Variants in NR3C2 observed in about 807,000 individuals in gnomAD.
NR3C2 encodes mineralocorticoid receptor.
Under a neutral mutation model 86.4 loss-of-function variants are expected in NR3C2, and 15 were observed. The ratio of observed to expected loss-of-function variants is 0.17; its 90% CI spans 0.12 to 0.27. The LOEUF (loss-of-function observed/expected upper bound fraction) is 0.27. NR3C2 is among the 10% of genes least tolerant of loss of function. The pLI is 1.00. For missense variants in NR3C2, 960 were observed against 1,195.6 expected (o/e 0.80, Z 2.91); for synonymous variants, 458 against 450.5 (o/e 1.02, Z -0.21).
chr4:148,443,215 CT>C (rs1277172624), upstream of NR3C2, among the ~76,000 whole-genome samples: 7 of 111,810 alleles, frequency 6.3e-5, no homozygotes, highest in African/African-American at 2.5e-4. Flanking sequence ...CCTTAGACCC[CT>C]AACACCAAAA....
upstream of NR3C2, chr4:148,444,986 A>C (rs1750512680): frequency 6.1e-6 from 6 of 983,272 alleles, no homozygotes; most frequent in Non-Finnish European, 7.2e-6. Flanking sequence ...GGGCGGTCGC[A>C]GGGGGAGCCT....
intron 3 of NR3C2, among the ~76,000 whole-genome samples, chr4:148,247,999 A>G (rs888757023): frequency 6.6e-6 from 1 of 152,184 alleles, no homozygotes; most frequent in African/African-American, 2.4e-5. Context: ...CAACATAAGT[A>G]ATTTTGAATT....
intron 3 of NR3C2, among the ~76,000 whole-genome samples, chr4:148,206,124 A>C (rs779330795): frequency 1.3e-5 from 2 of 152,150 alleles, no homozygotes; most frequent in Non-Finnish European, 2.9e-5. Flanking sequence ...GGGACCAGTG[A>C]AGCTCAGAAT....
intron 6 of NR3C2, among the ~76,000 whole-genome samples, chr4:148,131,642 A>C (rs1055853798): frequency 1.3e-5 from 2 of 152,124 alleles, no homozygotes; most frequent in Non-Finnish European, 2.9e-5. Flanking sequence ...CCAGGGTAGA[A>C]CTCAGCCATA....
chr4:148,363,652 C>T (rs2126323008), intron 2 of NR3C2, among the ~76,000 whole-genome samples: 1 of 152,010 alleles, frequency 6.6e-6, no homozygotes, highest in African/African-American at 2.4e-5. Flanking sequence ...TACAGGTGCC[C>T]ACCACCACGC....
chr4:148,364,338 C>A (rs866040392), intron 2 of NR3C2, among the ~76,000 whole-genome samples: 1 of 152,184 alleles, frequency 6.6e-6, no homozygotes, highest in Middle Eastern at 3.4e-3. Flanking sequence ...GCACTGAAGT[C>A]GTCAGTTTGG....
At chr4:148,337,349 T>C (rs541965469) in intron 2 of NR3C2, among the ~76,000 whole-genome samples, 1 of 152,368 alleles carries the variant, frequency 6.6e-6, no homozygotes, top group South Asian at 2.1e-4. Flanking sequence ...GTGATTAGAA[T>C]ATTCTTCCCT....
intron 2 of NR3C2, among the ~76,000 whole-genome samples, chr4:148,262,143 A>G (rs1363170698): frequency 6.6e-6 from 1 of 152,228 alleles, no homozygotes; most frequent in African/African-American, 2.4e-5. Flanking sequence ...GGTTTTGTAA[A>G]TATTTAGAAT....
At chr4:148,231,162 C>CTA (rs1360279007) in intron 3 of NR3C2, among the ~76,000 whole-genome samples, 1 of 152,146 alleles carries the variant, frequency 6.6e-6, no homozygotes, top group Admixed American at 6.6e-5. Context: ...AAACTGATGA[C>CTA]TAAAAGTATC....
chr4:148,426,150 A>G (rs1749517974), intron 2 of NR3C2, among the ~76,000 whole-genome samples: 1 of 152,138 alleles, frequency 6.6e-6, no homozygotes, highest in Non-Finnish European at 1.5e-5. Context: ...TGTCACCAAA[A>G]CAGATGACAA....
intron 2 of NR3C2, among the ~76,000 whole-genome samples, chr4:148,314,048 C>A (rs1242446160): frequency 6.6e-6 from 1 of 152,124 alleles, no homozygotes; most frequent in Non-Finnish European, 1.5e-5. Context: ...CAGTACATGG[C>A]ACTACAATTC....
chr4:148,362,988 T>C (rs1253173690), intron 2 of NR3C2, among the ~76,000 whole-genome samples: 1 of 152,142 alleles, frequency 6.6e-6, no homozygotes, highest in South Asian at 2.1e-4. Context: ...CGGGATGCGG[T>C]TGAAAAGTGG....
intron 2 of NR3C2, among the ~76,000 whole-genome samples, chr4:148,352,040 T>C (rs562261270): frequency 2.6e-5 from 4 of 152,294 alleles, no homozygotes; most frequent in South Asian, 2.1e-4. Flanking sequence ...AATGGAAATA[T>C]AGGTTTTTAA....
chr4:148,424,375 T>G (rs1749428085), intron 2 of NR3C2, among the ~76,000 whole-genome samples: 2 of 152,206 alleles, frequency 1.3e-5, no homozygotes, highest in Admixed American at 6.5e-5. Context: ...GTAAAACAAT[T>G]TGATAGTCTC....
intron 2 of NR3C2, among the ~76,000 whole-genome samples, chr4:148,388,317 T>C (rs1263785153): frequency 6.6e-6 from 1 of 152,178 alleles, no homozygotes; most frequent in East Asian, 1.9e-4. Context: ...GCATCATACT[T>C]AATAGGTGAA....
intron 2 of NR3C2, among the ~76,000 whole-genome samples, chr4:148,393,492 C>T (rs1747696889): frequency 6.6e-6 from 1 of 152,134 alleles, no homozygotes; most frequent in Admixed American, 6.5e-5. Flanking sequence ...GGCTCAGATA[C>T]CTTGGGAGCT....
intron 2 of NR3C2, among the ~76,000 whole-genome samples, chr4:148,270,482 T>C (rs1355255217): frequency 6.6e-6 from 1 of 152,222 alleles, no homozygotes; most frequent in Non-Finnish European, 1.5e-5. Flanking sequence ...TTCACAGTCA[T>C]TAATGACAAT....
chr4:148,129,810 G>T (rs1297806342), intron 6 of NR3C2, among the ~76,000 whole-genome samples: 2 of 152,166 alleles, frequency 1.3e-5, no homozygotes, highest in Non-Finnish European at 2.9e-5. Flanking sequence ...TGGCCAGGCT[G>T]GTCTCGAACT....
chr4:148,413,254 T>C (rs1560719230), intron 2 of NR3C2, among the ~76,000 whole-genome samples: 1 of 152,164 alleles, frequency 6.6e-6, no homozygotes, highest in Non-Finnish European at 1.5e-5. Context: ...CCTATCACTG[T>C]GAGGATTATT....
Sources: allele counts gnomAD v4.1 joint callset (sites outside exome capture counted in the v4.1 genomes callset), GRCh38; gene constraint gnomAD v4.1.1; transcripts MANE v1.5; gene names NCBI Gene and HGNC (gene_info 2026-07-23, HGNC 2026-07-21).